NPHS2: variants seen among roughly 807,000 people sequenced by gnomAD.
The protein encoded by NPHS2 is NPHS2 stomatin family member, podocin, also known as podocin.
NPHS2 carries 36 observed loss-of-function variants against 37.1 expected under a neutral mutation model. That is an observed-to-expected ratio of 0.97 (90% confidence interval 0.74 to 1.28). NPHS2 has a LOEUF of 1.28. NPHS2 is among the 50% of genes most tolerant of loss of function. The probability of loss-of-function intolerance (pLI) is 0.00; values close to 1 mark genes in which losing one functional copy is unlikely to be tolerated. For missense variants in NPHS2, 447 were observed against 488.1 expected (o/e 0.92, Z 0.79); for synonymous variants, 196 against 189.3 (o/e 1.04, Z -0.29).
intron 4 of NPHS2, 49 bp downstream of exon 4, chr1:179,559,630 T>C: frequency 1.7e-6 from 2 of 1,176,796 alleles, no homozygotes; most frequent in Non-Finnish European, 2.5e-6. Flanking sequence ...CCACGGTAGG[T>C]AGACCATGGA....
intron 1 of NPHS2, among the ~76,000 whole-genome samples, chr1:179,569,101 A>ATCCTTGTTAACT (rs1674446736): frequency 6.6e-6 from 1 of 152,148 alleles, no homozygotes; most frequent in African/African-American, 2.4e-5. Flanking sequence ...GGTCCTGGAT[A>ATCCTTGTTAACT]TCCTTGTTAA....
At position 179,551,164 on chromosome 1, in the gene NPHS2, C is replaced by T. The variant is rs1673200196; in HGVS notation, c.*9G>A. The T allele has an allele frequency of 6.2e-7, 1 of 1,613,668 alleles. No individual in the cohort carries two copies. The highest frequency in any genetic ancestry group is 1.3e-5 in the African/African-American group (1 of 74,900). The stretch of plus-strand genomic sequence containing the variant: ...GGCCCCTTTACAGTCACATTATGCC[C>T]CATCCTTCCTATAACATGGGAGAGT... On this transcript the variant is annotated 3_prime_UTR_variant, in exon 8 of 8. Transcript: ENST00000367615.
chr1:179,562,003 C>T (rs1674158353), intron 2 of NPHS2, among the ~76,000 whole-genome samples: 1 of 152,092 alleles, frequency 6.6e-6, no homozygotes, highest in African/African-American at 2.4e-5. Context: ...GACAGGGTTT[C>T]GCCATATTCG....
chr1:179,571,832 G>A lies in NPHS2; in HGVS notation c.274+3759C>T, dbSNP rs376739515. ...TCGCAGATCAATCTCAGACTGCTGC[G>A]CTAGCAGTGAGCAAGGCTCCTTGGG... On this transcript the variant is annotated intron_variant, in intron 1 of 7. Coordinates refer to ENST00000367615, the MANE Select transcript of NPHS2 (RefSeq NM_014625.4). 5.5e-4 allele frequency among the ~76,000 whole-genome samples: 84 copies of A among 152,320 alleles called. 4 individuals are homozygous for A. In the South Asian group the frequency reaches 0.016, roughly 29 times the overall value.
At position 179,564,868 on chromosome 1, in the gene NPHS2, A is replaced by G. The variant is rs1445570960; in HGVS notation, c.275-75T>C. The G allele has an allele frequency of 2.5e-6, 3 of 1,183,778 alleles. No individual in the cohort carries two copies. The African/African-American group carries it at 4.6e-5, about 18-fold the overall frequency. 73.3% of individuals were successfully genotyped at this position (1,183,778 alleles called of 1,614,324 possible). A position where few individuals can be genotyped will look rare whatever the true frequency, so the allele number is the denominator to read the frequency against. ...TCACTGACTAGCATCTGTTGGTCCA[A>G]TTCTTGGTATTGGAGTTGGCACAAC... is the stretch of plus-strand genomic sequence containing the variant. On this transcript the variant is annotated intron_variant, in intron 1 of 7. Coordinates refer to ENST00000367615, the MANE Select transcript of NPHS2 (RefSeq NM_014625.4).
Position 179,551,369 on chromosome 1 carries a change from A to C in NPHS2, c.956T>G (p.Val319Gly). 6.2e-7 allele frequency: 1 copy of C among 1,614,102 alleles called. No individual in the cohort carries two copies. The highest frequency in any genetic ancestry group is 8.5e-7 in the Non-Finnish European group (1 of 1,180,010). The change falls in exon 8 of 8, where the codon GTT becomes GGT. Residue 319 changes from valine (V) to glycine (G), a missense_variant. Physicochemically the swap from Val to Gly is moderately radical, Grantham distance 109. Transcript: ENST00000367615. ...AEILSGTPAA[V>G]QLRYLHTLQS... is the part of the protein sequence containing the mutation. ...AAGGGTGTGGAGGTATCGAAGCTGAACGGCAGCAGGGGTGCCTGACAGAAT... is the reference window on the plus strand; with the variant it reads ...AAGGGTGTGGAGGTATCGAAGCTGACCGGCAGCAGGGGTGCCTGACAGAAT...
Position 179,575,940 on chromosome 1 carries a change from C to A in NPHS2, c.-76G>T. The A allele has an allele frequency of 7.9e-7, 1 of 1,272,732 alleles. No homozygotes were observed. The highest frequency in any genetic ancestry group is 1.0e-6 in the Non-Finnish European group (1 of 1,004,452). 78.8% of individuals were successfully genotyped at this position (1,272,732 alleles called of 1,614,324 possible). Reference sequence around the variant, plus strand: ...CGGGAGCGCAGTCCCTGTGGAGTCGCTGCGGGTCCGCGTGGCGTGCCCGGG... The same window carrying A: ...CGGGAGCGCAGTCCCTGTGGAGTCGATGCGGGTCCGCGTGGCGTGCCCGGG... On this transcript the variant is annotated 5_prime_UTR_variant, in exon 1 of 8. Transcript: ENST00000367615.
In NPHS2 at chr1:179,575,881, C is replaced by A. The variant is rs2101887859; in HGVS notation, c.-17G>T. 2 of 1,391,862 alleles carry A rather than the reference C, an allele frequency of 1.4e-6. No homozygotes were observed. The highest frequency in any genetic ancestry group is 3.5e-5 in the South Asian group (2 of 56,660). The allele number at this position is 1,391,862 out of a possible 1,614,324, so 86.2% of individuals were successfully genotyped here. The stretch of plus-strand genomic sequence containing the variant: ...CCTCTCCATCCTCAGAGCTGCCGGG[C>A]GGCTGGAGCAGCAGCGCGGGAGCGC... On this transcript the variant is annotated 5_prime_UTR_variant, in exon 1 of 8. Transcript: ENST00000367615.
chr1:179,552,536 A>G, intron 7 of NPHS2, 67 bp downstream of exon 7: 9 of 1,246,568 alleles, frequency 7.2e-6, no homozygotes, highest in Non-Finnish European at 1.1e-5. Flanking sequence ...AAGGAAGCAA[A>G]GGGGAAATGT....
intron 1 of NPHS2, among the ~76,000 whole-genome samples, chr1:179,570,756 C>T (rs948574900): frequency 2.4e-4 from 37 of 152,274 alleles, no homozygotes; most frequent in Admixed American, 1.2e-3. Flanking sequence ...AGGCTTTGTT[C>T]GTTTCTTTTT....
At chr1:179,568,743 A>G (rs909835936) in intron 1 of NPHS2, among the ~76,000 whole-genome samples, 17 of 152,276 alleles carry the variant, frequency 1.1e-4, no homozygotes, top group African/African-American at 4.1e-4. Context: ...AGATTCTGGT[A>G]TGTTGTGTCT....
At chr1:179,551,490 A>T (rs1387509750) in intron 7 of NPHS2, 39 bp from the exon 8 acceptor site, 1 of 1,611,280 alleles carries the variant, frequency 6.2e-7, no homozygotes, top group African/African-American at 1.3e-5. Context: ...ATTGTTCTTC[A>T]TTCCCTGAAG....
chr1:179,572,268 T>C (rs1674593811), intron 1 of NPHS2, among the ~76,000 whole-genome samples: 1 of 152,210 alleles, frequency 6.6e-6, no homozygotes, highest in African/African-American at 2.4e-5. Flanking sequence ...AACTTCCCCA[T>C]TCATTACAAG....
chr1:179,561,492 T>G (rs1674137134), intron 2 of NPHS2, 131 bp from the exon 3 acceptor site: 2 of 683,692 alleles, frequency 2.9e-6, no homozygotes, highest in Non-Finnish European at 5.2e-6. Context: ...CTATTAATAC[T>G]TAAGTTTCCA....
At chr1:179,551,805 C>A (rs1290644382) in intron 7 of NPHS2, 1 of 286,208 alleles carries the variant, frequency 3.5e-6, no homozygotes. Context: ...ACCCCCAACT[C>A]AGGGAAAGTG....
intron 1 of NPHS2, 142 bp downstream of exon 1, chr1:179,575,449 C>G (rs1038254972): frequency 1.5e-5 from 17 of 1,128,886 alleles, no homozygotes; most frequent in Non-Finnish European, 2.1e-5. Context: ...TCCTAACTTA[C>G]GCCCTTCCGT....
At chr1:179,574,788 T>G (rs543438245) in intron 1 of NPHS2, among the ~76,000 whole-genome samples, 1 of 152,330 alleles carries the variant, frequency 6.6e-6, no homozygotes, top group South Asian at 2.1e-4. Context: ...ATTTTTTTCT[T>G]CCACTCATTA....
Position 179,551,287 on chromosome 1 carries a change from T to C in NPHS2, c.1038A>G (p.Leu346=), listed in dbSNP as rs3818587. The C allele has an allele frequency of 0.085, 136,431 of 1,613,852 alleles. 6,329 individuals carry two copies. Among genetic ancestry groups the C allele is most frequent in the Non-Finnish European group, 0.091 (107,205 of 1,179,946 alleles). Residue 346 remains leucine (L), a synonymous_variant, in exon 8 of 8, where the codon CTA becomes CTG. Coordinates refer to ENST00000367615, the MANE Select transcript of NPHS2 (RefSeq NM_014625.4). ...STVVLPLPFD[L]LNCLSSPSNR... is the part of the protein sequence containing the mutation. ...TGCTGGGAGAAGACAGGCAATTCAG[T>C]AGGTCAAATGGCAAAGGTAAAACCA... is the stretch of plus-strand genomic sequence containing the variant.
chr1:179,564,672 G>A lies in NPHS2; in HGVS notation c.378+18C>T. Reference sequence around the variant, plus strand: ...GAGGCCTCAGGAAATTACCTATTGGGTCCTTATGGAATCTCACCTTTACGC... The same window carrying A: ...GAGGCCTCAGGAAATTACCTATTGGATCCTTATGGAATCTCACCTTTACGC... On this transcript the variant is annotated intron_variant, in intron 2 of 7. Transcript: ENST00000367615. The A allele has an allele frequency of 6.2e-7, 1 of 1,600,438 alleles. No individual in the cohort carries two copies. The highest frequency in any genetic ancestry group is 1.3e-5 in the African/African-American group (1 of 74,716).
Sources: allele counts gnomAD v4.1 joint callset (sites outside exome capture counted in the v4.1 genomes callset), GRCh38; gene constraint gnomAD v4.1.1; transcripts MANE v1.5; gene names NCBI Gene and HGNC (gene_info 2026-07-23, HGNC 2026-07-21).